The following C2CD3 variants were observed in gnomAD, a reference collection of about 807,000 sequenced individuals.
C2CD3 encodes the protein C2 domain-containing protein 3.
Under a neutral mutation model 234.0 loss-of-function variants are expected in C2CD3, and 148 were observed. The ratio of observed to expected loss-of-function variants is 0.63; its 90% CI spans 0.55 to 0.72. The LOEUF (loss-of-function observed/expected upper bound fraction) is 0.72, where lower values mean the gene tolerates loss of function less well. Ranked by LOEUF, C2CD3 falls within the 30% of genes least tolerant of loss-of-function variation. C2CD3 has a pLI of 0.00. For missense variants in C2CD3, 2,577 were observed against 2,811.5 expected, an observed-to-expected ratio of 0.92 and a Z score of 1.89; for synonymous variants, 1,000 against 1,035.4, an observed-to-expected ratio of 0.97 and a Z score of 0.66.
rs111412489 is a variant in C2CD3, at chr11:74,037,609, G to T, written c.5750C>A (p.Thr1917Lys). ...GCTCTCCTGGTGCTGTGAGATGGCC[G>T]TTTGAGTCTGAGGGCTGAGGGGTAG... ...PFLPLSPQTQ[T>K]AISQHQESCR... is the part of the protein sequence containing the mutation. Residue 1917 changes from threonine to lysine, a missense_variant, in exon 30 of 33, where the codon ACG becomes AAG. Transcript: ENST00000334126. The T allele has an allele frequency of 6.2e-7, 1 of 1,614,104 alleles. No homozygotes were observed. Among genetic ancestry groups the T allele is most frequent in the South Asian group, 1.1e-5 (1 of 91,076 alleles).
At chr11:74,084,387 C>G (rs1955542584) in intron 22 of C2CD3, among the ~76,000 whole-genome samples, 2 of 149,060 alleles carry the variant, frequency 1.3e-5, no homozygotes, top group Admixed American at 1.3e-4. Flanking sequence ...CCCTATGTAA[C>G]AAACCTGCAT....
intron 3 of C2CD3, among the ~76,000 whole-genome samples, chr11:74,152,482 C>T (rs889129630): frequency 3.3e-5 from 5 of 152,284 alleles, no homozygotes; most frequent in East Asian, 1.9e-4. Context: ...ATCAATTCTA[C>T]GTTAACTCTT....
chr11:74,078,646 T>C lies in C2CD3; in HGVS notation c.4072A>G (p.Lys1358Glu), dbSNP rs767955876. The C allele has an allele frequency of 6.2e-7, 1 of 1,614,138 alleles. No homozygotes were observed. The highest frequency in any genetic ancestry group is 8.5e-7 in the Non-Finnish European group (1 of 1,180,004). ...GLPHGLELMQ[K>E]IVGGLELSIS... Reference sequence around the variant, plus strand: ...GAAAGCTCCAGACCACCCACGATCTTCTGCATGAGCTCCAGGCCATGAGGT... The same window carrying C: ...GAAAGCTCCAGACCACCCACGATCTCCTGCATGAGCTCCAGGCCATGAGGT... The change falls in exon 23 of 33, where the codon AAG (lysine) becomes GAG (glutamate). Residue 1358 changes from lysine (K) to glutamate (E), a missense_variant. Transcript: ENST00000334126.
intron 23 of C2CD3, among the ~76,000 whole-genome samples, 170 bp downstream of exon 23, chr11:74,077,945 A>T (rs1169823192): frequency 6.7e-6 from 1 of 150,130 alleles, no homozygotes; most frequent in Non-Finnish European, 1.5e-5. Context: ...TGGGCAGGTA[A>T]CTCAATCTCT....
At chr11:74,022,297 C>T (rs181441780) in intron 32 of C2CD3, among the ~76,000 whole-genome samples, 46 of 152,110 alleles carry the variant, frequency 3.0e-4, no homozygotes, top group African/African-American at 1.0e-3. Context: ...GTGCTTCTGG[C>T]AGGAGTAACT....
At chr11:74,039,030 C>T (rs1233029204) in intron 29 of C2CD3, among the ~76,000 whole-genome samples, 2 of 152,142 alleles carry the variant, frequency 1.3e-5, no homozygotes, top group African/African-American at 4.8e-5. Context: ...AAAGTTGATC[C>T]TTATTCTATC....
chr11:74,146,598 A>T (rs1347811150), intron 3 of C2CD3, among the ~76,000 whole-genome samples: 4 of 152,146 alleles, frequency 2.6e-5, no homozygotes, highest in Non-Finnish European at 4.4e-5. Context: ...GTCTTTGTTG[A>T]CAATAAACTT....
intron 23 of C2CD3, among the ~76,000 whole-genome samples, chr11:74,075,848 T>C (rs1357355069): frequency 1.3e-5 from 2 of 152,216 alleles, no homozygotes; most frequent in Admixed American, 6.5e-5. Flanking sequence ...GTTGGATGGA[T>C]GGCTTGACGC....
At chr11:74,166,316 T>TAAA (rs34997320) in intron 2 of C2CD3, among the ~76,000 whole-genome samples, 2 of 123,150 alleles carry the variant, frequency 1.6e-5, no homozygotes, top group African/African-American at 3.1e-5. Context: ...GACTCCGTCT[T>TAAA]AAAAAAAAAA....
rs749301637 is a variant in C2CD3 at position 74,049,398 on chromosome 11, C to T, written c.5300G>A (p.Ser1767Asn). The T allele has an allele frequency of 6.2e-7, 1 of 1,614,168 alleles. No homozygotes were observed. The highest frequency in any genetic ancestry group is 1.1e-5 in the South Asian group (1 of 91,082). The change falls in exon 27 of 33, where the codon AGT (serine) becomes AAT (asparagine). Residue 1767 changes from serine (S) to asparagine (N), a missense_variant. Physicochemically the swap from Ser to Asn is conservative, Grantham distance 46. Coordinates refer to ENST00000334126, the MANE Select transcript of C2CD3 (RefSeq NM_001286577.2). ...CCTTTCTTCTTTGAAGTGTATCAAACTCTCCAAAGGGGAGACAGCAACTTT... is the reference window on the plus strand; with the variant it reads ...CCTTTCTTCTTTGAAGTGTATCAAATTCTCCAAAGGGGAGACAGCAACTTT... ...QIKVAVSPLESLIHFKEERQA... is the reference protein window; with the variant it reads ...QIKVAVSPLENLIHFKEERQA...
At chr11:74,136,772 G>A (rs548137348) in intron 5 of C2CD3, among the ~76,000 whole-genome samples, 1 of 151,970 alleles carries the variant, frequency 6.6e-6, no homozygotes, top group East Asian at 1.9e-4. Flanking sequence ...GACACAGGGA[G>A]GGGAACATCA....
chr11:74,135,333 T>A (rs1270417801), intron 5 of C2CD3, among the ~76,000 whole-genome samples: 1 of 151,848 alleles, frequency 6.6e-6, no homozygotes, highest in Non-Finnish European at 1.5e-5. Context: ...ACTGGCATGA[T>A]CATGACTCAC....
At chr11:74,111,975 T>C (rs1466331957) in intron 11 of C2CD3, among the ~76,000 whole-genome samples, 2 of 147,964 alleles carry the variant, frequency 1.4e-5, no homozygotes, top group Admixed American at 6.7e-5. Flanking sequence ...CACACATATA[T>C]ATATACACAC....
intron 22 of C2CD3, among the ~76,000 whole-genome samples, chr11:74,084,433 A>T (rs1342449553): frequency 9.9e-5 from 4 of 40,484 alleles, no homozygotes; most frequent in African/African-American, 2.3e-4. Flanking sequence ...AAAGTATAAT[A>T]AAAAAAAAAA....
At chr11:74,125,069 G>T (rs1466296900) in intron 7 of C2CD3, among the ~76,000 whole-genome samples, 2 of 152,082 alleles carry the variant, frequency 1.3e-5, no homozygotes, top group African/African-American at 4.8e-5. Flanking sequence ...ACGACTACAA[G>T]GCTTATAATA....
At position 74,144,385 on chromosome 11, in the gene C2CD3, C is replaced by T. The variant is rs562264732; in HGVS notation, c.484-4557G>A. ...TCACTCATCAAAAAGAGCTTGCCAGCTCCCCAAAGCTTCTCTAGTGCCAAT... is the reference window on the plus strand; with the variant it reads ...TCACTCATCAAAAAGAGCTTGCCAGTTCCCCAAAGCTTCTCTAGTGCCAAT... On this transcript the variant is annotated intron_variant, in intron 3 of 32. Transcript: ENST00000334126. Among the ~76,000 whole-genome samples the T allele has an allele frequency of 3.9e-5, 6 of 152,292 alleles. No homozygotes were observed. The South Asian group carries it at 1.2e-3, about 32-fold the overall frequency.
chr11:74,149,085 A>T (rs1855421383), intron 3 of C2CD3, among the ~76,000 whole-genome samples: 1 of 152,182 alleles, frequency 6.6e-6, no homozygotes, highest in African/African-American at 2.4e-5. Context: ...AGCTCCAAAT[A>T]ACATGATTAT....
intron 20 of C2CD3, among the ~76,000 whole-genome samples, chr11:74,087,691 C>T (rs867143437): frequency 9.9e-5 from 15 of 152,132 alleles, no homozygotes; most frequent in African/African-American, 3.4e-4. Flanking sequence ...TCAGAGATGG[C>T]AGTGAGATGG....
At chr11:74,067,114 A>G (rs1954578892) in intron 24 of C2CD3, among the ~76,000 whole-genome samples, 1 of 152,236 alleles carries the variant, frequency 6.6e-6, no homozygotes, top group African/African-American at 2.4e-5. Context: ...TGTGACTTCT[A>G]GCACCCAGGG....
Sources: gnomAD v4.1 joint callset for allele counts (sites outside exome capture counted in the v4.1 genomes callset) on GRCh38, gnomAD v4.1.1 for gene constraint, MANE v1.5 for transcripts, NCBI Gene and HGNC (gene_info 2026-07-23, HGNC 2026-07-21) for gene names.